The following CADM2 variants were observed in gnomAD, a reference collection of about 807,000 sequenced individuals.
CADM2 encodes cell adhesion molecule 2, also known as immunoglobulin superfamily member 4D.
In CADM2, 12 loss-of-function variants were observed where a neutral mutation model predicts 49.8. The observed-to-expected ratio is 0.24, with a 90% CI of 0.15 to 0.39. CADM2 has a LOEUF of 0.39. Among genes scored for constraint, CADM2 ranks in the 10% least tolerant of loss-of-function variants. The probability of loss-of-function intolerance (pLI) is 1.00; values close to 1 mark genes in which losing one functional copy is unlikely to be tolerated. For missense variants in CADM2, 378 were observed against 492.3 expected (o/e 0.77, Z 2.20); for synonymous variants, 214 against 175.4 (o/e 1.22, Z -1.74).
intron 1 of CADM2, among the ~76,000 whole-genome samples, chr3:85,196,222 T>G (rs1294180320): frequency 6.6e-6 from 1 of 152,070 alleles, no homozygotes; most frequent in Admixed American, 6.6e-5. Flanking sequence ...ATGTTATTAT[T>G]AATCATAATT....
intron 1 of CADM2, among the ~76,000 whole-genome samples, chr3:85,282,131 A>C: frequency 6.6e-6 from 1 of 151,982 alleles, no homozygotes; most frequent in East Asian, 1.9e-4. Context: ...TATTTAGAAT[A>C]AAATTTTTAC....
chr3:85,713,333 C>G (rs900318207), intron 1 of CADM2, among the ~76,000 whole-genome samples: 6 of 152,006 alleles, frequency 3.9e-5, no homozygotes, highest in African/African-American at 1.5e-4. Flanking sequence ...TTTTTTAGTA[C>G]AGACGGGGTT....
rs373804679 is a variant in CADM2, at chr3:85,939,468, A to AACAC, written c.791+3643_791+3646dup. The stretch of plus-strand genomic sequence containing the variant: ...ATTCTCCATTTTAAAAGTAAACGAA[A>AACAC]ACACACACACACACACACACACACA... On this transcript the variant is annotated intron_variant, in intron 7 of 9. Coordinates refer to ENST00000383699, the MANE Select transcript of CADM2 (RefSeq NM_001167675.2). 6.1e-3 allele frequency among the ~76,000 whole-genome samples: 842 copies of AACAC among 137,064 alleles called. 9 individuals carry two copies. Among genetic ancestry groups the AACAC allele is most frequent in the African/African-American group, 0.016 (579 of 36,582 alleles). The allele number at this position is 137,064 out of a possible 152,430, so 89.9% of individuals were successfully genotyped here. A position where few individuals can be genotyped will look rare whatever the true frequency, so the allele number is the denominator to read the frequency against.
At chr3:85,340,269 T>G (rs977848429) in intron 1 of CADM2, among the ~76,000 whole-genome samples, 2 of 151,480 alleles carry the variant, frequency 1.3e-5, no homozygotes, top group African/African-American at 4.8e-5. Context: ...TATAAAGAAA[T>G]AAAACCACTA....
intron 1 of CADM2, among the ~76,000 whole-genome samples, chr3:85,247,183 A>G (rs6794614): frequency 0.68 from 102,572 of 151,864 alleles, 35,515 homozygotes; most frequent in African/African-American, 0.82. Context: ...ATAGTGTAGA[A>G]CATTAAACTG....
chr3:85,167,843 A>G (rs2040511740), intron 1 of CADM2, among the ~76,000 whole-genome samples: 1 of 152,138 alleles, frequency 6.6e-6, no homozygotes, highest in Non-Finnish European at 1.5e-5. Context: ...ATACTATCCA[A>G]AACACATTCA....
chr3:85,193,592 A>T (rs927648672), intron 1 of CADM2, among the ~76,000 whole-genome samples: 1 of 151,934 alleles, frequency 6.6e-6, no homozygotes, highest in East Asian at 1.9e-4. Flanking sequence ...CCCTCTATCC[A>T]TTGCTGCTTT....
At chr3:84,965,957 G>A (rs180820182) in intron 1 of CADM2, among the ~76,000 whole-genome samples, 2 of 152,262 alleles carry the variant, frequency 1.3e-5, no homozygotes, top group East Asian at 3.9e-4. Context: ...AAAAATGTAA[G>A]AGTTATAAAC....
intron 5 of CADM2, among the ~76,000 whole-genome samples, chr3:85,912,038 G>C (rs182088325): frequency 1.3e-5 from 2 of 151,670 alleles, no homozygotes; most frequent in East Asian, 3.9e-4. Context: ...CTGCCTCCTG[G>C]GTTCACGCCA....
At chr3:84,964,073 C>G (rs185052342) in intron 1 of CADM2, among the ~76,000 whole-genome samples, 40 of 152,158 alleles carry the variant, frequency 2.6e-4, no homozygotes, top group African/African-American at 9.2e-4. Flanking sequence ...TGTCTTTTTC[C>G]CATTTCTATA....
At chr3:85,902,509 C>A (rs938545241) in intron 5 of CADM2, among the ~76,000 whole-genome samples, 2 of 151,650 alleles carry the variant, frequency 1.3e-5, no homozygotes, top group African/African-American at 4.8e-5. Flanking sequence ...ATCAACTCAC[C>A]TGTAATCTTA....
At chr3:85,615,266 G>A (rs1490450690) in intron 1 of CADM2, among the ~76,000 whole-genome samples, 2 of 151,814 alleles carry the variant, frequency 1.3e-5, no homozygotes, top group Admixed American at 1.3e-4. Flanking sequence ...AAAGAAAAAG[G>A]AAGGAAGGAA....
At position 85,721,232 on chromosome 3, in the gene CADM2, T is replaced by C. The variant is rs188330566; in HGVS notation, c.62-5290T>C. On this transcript the variant is annotated intron_variant, in intron 1 of 9. Transcript: ENST00000383699. The stretch of plus-strand genomic sequence containing the variant: ...TGTAACTTTTCATATATGAAAACTT[T>C]ATACTGCACAGCATCTTCCAATGGC... Among the ~76,000 whole-genome samples the C allele has an allele frequency of 7.9e-5, 12 of 152,338 alleles. No homozygotes were observed. The East Asian group carries it at 2.3e-3, about 29-fold the overall frequency.
chr3:85,435,584 A>C (rs1559838631), intron 1 of CADM2, among the ~76,000 whole-genome samples: 1 of 152,172 alleles, frequency 6.6e-6, no homozygotes, highest in Non-Finnish European at 1.5e-5. Context: ...TCCTTGAGGA[A>C]TCGCCACACT....
At chr3:85,146,511 A>G (rs535597316) in intron 1 of CADM2, among the ~76,000 whole-genome samples, 1 of 152,260 alleles carries the variant, frequency 6.6e-6, no homozygotes, top group Admixed American at 6.5e-5. Flanking sequence ...TGATAATTAC[A>G]TTTTAAAAGT....
chr3:85,920,604 C>G (rs117747006), intron 6 of CADM2, among the ~76,000 whole-genome samples: 3 of 151,176 alleles, frequency 2.0e-5, no homozygotes, highest in Non-Finnish European at 3.0e-5. Context: ...TGTATATTAC[C>G]AGCAGTATAT....
intron 1 of CADM2, among the ~76,000 whole-genome samples, chr3:85,369,711 C>T (rs541836320): frequency 6.6e-6 from 1 of 152,186 alleles, no homozygotes; most frequent in African/African-American, 2.4e-5. Flanking sequence ...TCTCTGTTTC[C>T]TCTAATCTAT....
chr3:85,666,749 G>A (rs2065580947), intron 1 of CADM2, among the ~76,000 whole-genome samples: 1 of 151,798 alleles, frequency 6.6e-6, no homozygotes, highest in African/African-American at 2.4e-5. Context: ...AGATCTTCAG[G>A]GGAGAAGGGA....
At chr3:85,476,466 C>A (rs151176622) in intron 1 of CADM2, among the ~76,000 whole-genome samples, 1 of 151,752 alleles carries the variant, frequency 6.6e-6, no homozygotes, top group Non-Finnish European at 1.5e-5. Flanking sequence ...CAAAGAAGAA[C>A]GTAGAAATAT....
Sources: gnomAD v4.1 joint callset for allele counts (sites outside exome capture counted in the v4.1 genomes callset) on GRCh38, gnomAD v4.1.1 for gene constraint, MANE v1.5 for transcripts, NCBI Gene and HGNC (gene_info 2026-07-23, HGNC 2026-07-21) for gene names.